The following FLT1 variants were observed in gnomAD, a reference collection of about 807,000 sequenced individuals.
FLT1 encodes the protein fms related receptor tyrosine kinase 1, also known as vascular endothelial growth factor receptor 1.
FLT1 carries 49 observed loss-of-function variants against 156.3 expected under a neutral mutation model. The ratio of observed to expected loss-of-function variants is 0.31; its 90% confidence interval spans 0.25 to 0.40. The LOEUF (loss-of-function observed/expected upper bound fraction) is 0.40. FLT1 is among the 10% of genes least tolerant of loss of function. The pLI, the probability that FLT1 is intolerant of heterozygous loss-of-function variation, is 1.00. For synonymous variants in FLT1, 594 were observed against 583.8 expected, an observed-to-expected ratio of 1.02 and a Z score of -0.25; for missense variants, 1,322 against 1,637.2, an observed-to-expected ratio of 0.81 and a Z score of 3.32.
At chr13:28,464,912 A>C (rs1378142737) in intron 3 of FLT1, among the ~76,000 whole-genome samples, 1 of 152,332 alleles carries the variant, frequency 6.6e-6, no homozygotes, top group South Asian at 2.1e-4. Flanking sequence ...AACCTATAGG[A>C]GAAAGTTTTA....
At chr13:28,393,242 T>C (rs529881516) in intron 12 of FLT1, among the ~76,000 whole-genome samples, 2 of 152,248 alleles carry the variant, frequency 1.3e-5, no homozygotes, top group South Asian at 4.1e-4. Context: ...TAGACGAAAG[T>C]GTCATCTATT....
intron 11 of FLT1, 22 bp downstream of exon 11, chr13:28,405,758 T>C (rs1198065162): frequency 8.3e-7 from 1 of 1,204,648 alleles, no homozygotes; most frequent in Admixed American, 1.7e-5. Flanking sequence ...AATATCCCAG[T>C]GCGCATTTTT....
rs996103723 is a variant in FLT1 at position 28,428,279 on chromosome 13, G to C, written c.1107-358C>G. Among the ~76,000 whole-genome samples, 3 of 152,164 alleles carry C rather than the reference G, an allele frequency of 2.0e-5. 1 individual carries two copies. Among genetic ancestry groups the C allele is most frequent in the Middle Eastern group, 6.8e-3 (2 of 294 alleles). On this transcript the variant is annotated intron_variant, in intron 8 of 29. Transcript: ENST00000282397. ...CAGAGTTTTCCACGAGGCTCCATCAGCAGTATAAGGGCCATTGTAAGTCAG... is the reference window on the plus strand; with the variant it reads ...CAGAGTTTTCCACGAGGCTCCATCACCAGTATAAGGGCCATTGTAAGTCAG...
intron 14 of FLT1, among the ~76,000 whole-genome samples, chr13:28,370,228 C>G (rs113281624): frequency 6.6e-6 from 1 of 151,816 alleles, no homozygotes; most frequent in African/African-American, 2.4e-5. Flanking sequence ...CTCACTGTAA[C>G]CTCTGAATAA....
At chr13:28,336,059 A>C (rs1872104722) in intron 17 of FLT1, among the ~76,000 whole-genome samples, 1 of 152,192 alleles carries the variant, frequency 6.6e-6, no homozygotes, top group Non-Finnish European at 1.5e-5. Context: ...GAGCCTGAGA[A>C]ATATCCAGAT....
At chr13:28,466,459 G>A (rs1036696669) in intron 3 of FLT1, among the ~76,000 whole-genome samples, 3 of 152,074 alleles carry the variant, frequency 2.0e-5, no homozygotes, top group Non-Finnish European at 4.4e-5. Context: ...TATAACACTC[G>A]AGATAACAGC....
At chr13:28,338,244 C>G (rs191604843) in intron 17 of FLT1, among the ~76,000 whole-genome samples, 1 of 152,086 alleles carries the variant, frequency 6.6e-6, no homozygotes, top group Non-Finnish European at 1.5e-5. Flanking sequence ...AGGAGAGGGA[C>G]GATACTGTTG....
At chr13:28,446,963 A>C in intron 3 of FLT1, among the ~76,000 whole-genome samples, 1 of 151,874 alleles carries the variant, frequency 6.6e-6, no homozygotes, top group East Asian at 1.9e-4. Context: ...TAGAATTGAG[A>C]CTCCAGAGAT....
chr13:28,448,094 A>G (rs1178972946), intron 3 of FLT1, among the ~76,000 whole-genome samples: 1 of 152,234 alleles, frequency 6.6e-6, no homozygotes, highest in East Asian at 1.9e-4. Context: ...GCTATAATAA[A>G]AAAGACATAA....
At chr13:28,333,287 T>A (rs920444210) in intron 18 of FLT1, among the ~76,000 whole-genome samples, 1 of 152,212 alleles carries the variant, frequency 6.6e-6, no homozygotes, top group African/African-American at 2.4e-5. Flanking sequence ...GAGTTTTCAG[T>A]TCTGTTGAGT....
At chr13:28,360,105 G>T (rs768512994) in intron 14 of FLT1, among the ~76,000 whole-genome samples, 1 of 152,070 alleles carries the variant, frequency 6.6e-6, no homozygotes, top group Non-Finnish European at 1.5e-5. Context: ...GCGAGACTTT[G>T]TCTCAAAAAA....
chr13:28,423,725 C>T (rs1255205255), intron 10 of FLT1, among the ~76,000 whole-genome samples: 1 of 152,170 alleles, frequency 6.6e-6, no homozygotes, highest in African/African-American at 2.4e-5. Context: ...AGGCTGCAAG[C>T]TATAGACATG....
In FLT1 at chr13:28,412,330, T is replaced by TTTCTTTTC. The variant is rs1476195337; in HGVS notation, c.1437-6437_1437-6436insGAAAAGAA. On this transcript the variant is annotated intron_variant, in intron 10 of 29. Coordinates refer to ENST00000282397, the MANE Select transcript of FLT1 (RefSeq NM_002019.4). Reference sequence around the variant, plus strand: ...TTCTCTTTCTTTCTTTCTTTCTTTCTTTTCTTTCTTTCTTTCTTTCTCTTT... The same window carrying TTTCTTTTC: ...TTCTCTTTCTTTCTTTCTTTCTTTCTTTCTTTTCTTTCTTTCTTTCTTTCTTTCTCTTT... Among the ~76,000 whole-genome samples, 2 of 92,556 alleles carry TTTCTTTTC rather than the reference T, an allele frequency of 2.2e-5. 1 individual carries two copies. The allele number at this position is 92,556 out of a possible 152,430, so 60.7% of individuals were successfully genotyped here.
intron 29 of FLT1, 140 bp downstream of exon 29, chr13:28,306,538 A>T (rs1285510903): frequency 2.7e-5 from 19 of 701,090 alleles, no homozygotes; most frequent in Non-Finnish European, 4.5e-5. Flanking sequence ...TCTGGGGGGA[A>T]ATGGTTTTCT....
intron 18 of FLT1, among the ~76,000 whole-genome samples, chr13:28,330,277 A>C (rs1253571043): frequency 1.3e-5 from 2 of 152,208 alleles, no homozygotes; most frequent in African/African-American, 4.8e-5. Context: ...ATAGCATCTG[A>C]CTTCAACTTC....
At chr13:28,412,307 C>CTCTTTCTTTCTTTCTTTCTTTT (rs1566012648) in intron 10 of FLT1, among the ~76,000 whole-genome samples, 1,168 of 53,626 alleles carry the variant, frequency 0.022, 34 homozygotes, top group Middle Eastern at 0.042. Context: ...TTTTCTCTTT[C>CTCTTTCTTTCTTTCTTTCTTTT]TCTTTCTTTC....
intron 14 of FLT1, among the ~76,000 whole-genome samples, chr13:28,358,478 GCT>G (rs1385658594): frequency 2.0e-5 from 3 of 152,190 alleles, no homozygotes; most frequent in African/African-American, 7.2e-5. Flanking sequence ...GTAAATGTAA[GCT>G]TAAGGATTAC....
At chr13:28,336,482 T>C (rs929726097) in intron 17 of FLT1, among the ~76,000 whole-genome samples, 1 of 152,174 alleles carries the variant, frequency 6.6e-6, no homozygotes, top group Non-Finnish European at 1.5e-5. Flanking sequence ...GCTAGGTCAT[T>C]GCCATACAAT....
At chr13:28,312,278 G>C (rs1566279937) in intron 25 of FLT1, among the ~76,000 whole-genome samples, 180 bp from the exon 26 acceptor site, 5 of 152,160 alleles carry the variant, frequency 3.3e-5, no homozygotes. Context: ...GGCTGTCTGG[G>C]CCAGGTCCTG....
Sources: allele counts gnomAD v4.1 joint callset (sites outside exome capture counted in the v4.1 genomes callset), GRCh38; gene constraint gnomAD v4.1.1; transcripts MANE v1.5; gene names NCBI Gene and HGNC (gene_info 2026-07-23, HGNC 2026-07-21).